Variants in PDE4B observed in about 807,000 individuals in gnomAD.
The protein encoded by PDE4B is phosphodiesterase 4B.
Under a neutral mutation model 82.2 loss-of-function variants are expected in PDE4B, and 20 were observed. The ratio of observed to expected loss-of-function variants is 0.24; its 90% confidence interval spans 0.17 to 0.35. The LOEUF (loss-of-function observed/expected upper bound fraction) is 0.35. PDE4B is among the 10% of genes least tolerant of loss of function. The pLI is 1.00. For synonymous variants in PDE4B, 320 were observed against 318.9 expected (o/e 1.00, Z -0.04); for missense variants, 655 against 907.2 (o/e 0.72, Z 3.57).
intron 3 of PDE4B, among the ~76,000 whole-genome samples, chr1:66,174,025 A>G (rs1164087233): frequency 1.3e-5 from 2 of 152,196 alleles, no homozygotes; most frequent in African/African-American, 4.8e-5. Context: ...GGGCTCAAGC[A>G]GTCTGCCTGC....
intron 3 of PDE4B, among the ~76,000 whole-genome samples, chr1:65,962,169 A>C (rs1649575892): frequency 1.3e-5 from 2 of 152,134 alleles, no homozygotes; most frequent in Non-Finnish European, 2.9e-5. Flanking sequence ...TGAATATCTC[A>C]TGTAATTGAT....
chr1:66,026,152 G>A (rs1346977274), intron 3 of PDE4B, among the ~76,000 whole-genome samples: 2 of 152,120 alleles, frequency 1.3e-5, no homozygotes, highest in African/African-American at 4.8e-5. Flanking sequence ...TACAAACCTA[G>A]GAAATGCCCT....
intron 1 of PDE4B, among the ~76,000 whole-genome samples, chr1:65,834,137 C>G (rs542984799): frequency 2.0e-5 from 3 of 152,118 alleles, no homozygotes; most frequent in Non-Finnish European, 4.4e-5. Flanking sequence ...CTCCGCCTCC[C>G]GGGTTTAAGT....
intron 3 of PDE4B, among the ~76,000 whole-genome samples, chr1:66,020,314 A>G (rs1653020101): frequency 6.6e-6 from 1 of 151,044 alleles, no homozygotes; most frequent in Non-Finnish European, 1.5e-5. Context: ...AACACTTTGA[A>G]CTCTTTTTTT....
At chr1:65,856,441 T>C (rs543431895) in intron 1 of PDE4B, among the ~76,000 whole-genome samples, 25 of 152,286 alleles carry the variant, frequency 1.6e-4, no homozygotes, top group African/African-American at 6.0e-4. Context: ...TGTTTGGTTT[T>C]CTGTTCTTGT....
At chr1:65,913,185 C>T (rs1647116433) in intron 1 of PDE4B, 60 bp from the exon 2 acceptor site, 3 of 660,832 alleles carry the variant, frequency 4.5e-6, no homozygotes, top group African/African-American at 1.8e-5. Context: ...GAGAGTATGC[C>T]ACATATTTTT....
At chr1:66,022,916 C>T (rs1348408114) in intron 3 of PDE4B, among the ~76,000 whole-genome samples, 1 of 152,078 alleles carries the variant, frequency 6.6e-6, no homozygotes, top group Non-Finnish European at 1.5e-5. Flanking sequence ...TGGTGGATTT[C>T]GGCTGTGAAT....
intron 4 of PDE4B, among the ~76,000 whole-genome samples, chr1:66,255,978 A>G (rs544417915): frequency 6.6e-6 from 1 of 152,338 alleles, no homozygotes; most frequent in East Asian, 1.9e-4. Flanking sequence ...AGCCTGGGCA[A>G]CATGGCAAAA....
At chr1:66,085,384 C>T (rs1189464870) in intron 3 of PDE4B, among the ~76,000 whole-genome samples, 4 of 152,100 alleles carry the variant, frequency 2.6e-5, no homozygotes, top group Non-Finnish European at 4.4e-5. Flanking sequence ...TCAAATTTTT[C>T]ATAAAGCATT....
At chr1:66,348,682 A>G (rs1398140984) in intron 8 of PDE4B, among the ~76,000 whole-genome samples, 1 of 151,396 alleles carries the variant, frequency 6.6e-6, no homozygotes, top group Non-Finnish European at 1.5e-5. Context: ...AAAAAAAAAG[A>G]TAAAGAAAAT....
chr1:66,277,688 C>A (rs1035375278), intron 7 of PDE4B, among the ~76,000 whole-genome samples: 5 of 152,246 alleles, frequency 3.3e-5, no homozygotes, highest in African/African-American at 1.2e-4. Flanking sequence ...GCCACCACGC[C>A]CGGCCTTATA....
chr1:66,058,263 T>C (rs1178749549), intron 3 of PDE4B, among the ~76,000 whole-genome samples: 4 of 152,244 alleles, frequency 2.6e-5, no homozygotes, highest in Non-Finnish European at 5.9e-5. Context: ...GCTCCACTCC[T>C]CTGGCTTTGC....
chr1:66,105,011 G>A (rs1570244842), intron 3 of PDE4B, among the ~76,000 whole-genome samples: 2 of 151,950 alleles, frequency 1.3e-5, no homozygotes, highest in Admixed American at 6.6e-5. Flanking sequence ...TGAAGTCCTT[G>A]CCCATGCCTG....
chr1:65,937,856 T>C (rs1648241210), intron 3 of PDE4B, among the ~76,000 whole-genome samples: 1 of 152,208 alleles, frequency 6.6e-6, no homozygotes, highest in Non-Finnish European at 1.5e-5. Flanking sequence ...TATATAGCTC[T>C]AATAATTGGT....
intron 1 of PDE4B, among the ~76,000 whole-genome samples, chr1:65,841,984 G>T (rs2101348195): frequency 1.3e-5 from 2 of 152,206 alleles, no homozygotes; most frequent in South Asian, 4.1e-4. Flanking sequence ...TTTCTTCAAA[G>T]AATCCATTAT....
chr1:66,058,339 G>T (rs192059273), intron 3 of PDE4B, among the ~76,000 whole-genome samples: 3 of 152,280 alleles, frequency 2.0e-5, no homozygotes, highest in African/African-American at 7.2e-5. Flanking sequence ...TTTTCCAGGT[G>T]CATGGTGCAA....
chr1:65,994,597 ATTTTC>A (rs923647109), intron 3 of PDE4B, among the ~76,000 whole-genome samples: 8 of 152,076 alleles, frequency 5.3e-5, no homozygotes, highest in African/African-American at 2.4e-5. Flanking sequence ...ACATGTATGT[ATTTTC>A]TTATAGTTTG....
chr1:66,055,976 G>A (rs981158960), intron 3 of PDE4B, among the ~76,000 whole-genome samples: 1 of 152,138 alleles, frequency 6.6e-6, no homozygotes, highest in East Asian at 1.9e-4. Flanking sequence ...ACCAATATGT[G>A]TAATATTTTC....
At chr1:66,317,600 TA>T (rs1389843493) in intron 7 of PDE4B, among the ~76,000 whole-genome samples, 1 of 152,106 alleles carries the variant, frequency 6.6e-6, no homozygotes, top group East Asian at 1.9e-4. Context: ...TCTTTATTAT[TA>T]TTTTTTTAAG....
Sources: allele counts gnomAD v4.1 joint callset (sites outside exome capture counted in the v4.1 genomes callset), GRCh38; gene constraint gnomAD v4.1.1; transcripts MANE v1.5; gene names NCBI Gene and HGNC (gene_info 2026-07-23, HGNC 2026-07-21).